Variants in STAC observed in about 807,000 individuals in gnomAD.
STAC encodes SH3 and cysteine-rich domain-containing protein.
In STAC, 43 loss-of-function variants were observed where a neutral mutation model predicts 48.8. The ratio of observed to expected loss-of-function variants is 0.88; its 90% confidence interval spans 0.69 to 1.14. The LOEUF is 1.14. Ranked by LOEUF, STAC falls within the 50% of genes most tolerant of loss-of-function variation. The pLI is 0.00. For missense variants in STAC, 497 were observed against 504.0 expected (o/e 0.99, Z 0.13); for synonymous variants, 193 against 179.5 (o/e 1.07, Z -0.60).
At chr3:36,422,242 T>A (rs1700467207) in intron 1 of STAC, among the ~76,000 whole-genome samples, 1 of 152,162 alleles carries the variant, frequency 6.6e-6, no homozygotes, top group South Asian at 2.1e-4. Context: ...TTATTCTTGA[T>A]CTTACTTTCC....
intron 1 of STAC, among the ~76,000 whole-genome samples, chr3:36,404,562 A>G (rs1293672343): frequency 6.6e-6 from 1 of 152,184 alleles, no homozygotes; most frequent in Non-Finnish European, 1.5e-5. Context: ...TTATAACAGC[A>G]AAAATTAGTA....
rs1048947611 is a variant in STAC at position 36,443,439 on chromosome 3, C to T, written c.187C>T (p.Arg63Ter). Reference protein sequence around the residue: ...RSKSADNFFQRTNSEDMKLQA... With the variant: ...RSKSADNFFQ ...CAAAAGTGCTGACAACTTCTTCCAG[C>T]GAACCAACAGCGAAGACATGAAACT... The change falls in exon 2 of 11, where the codon CGA (arginine) becomes TGA (stop). Residue 63 changes from arginine to a stop codon, truncating the protein, a stop_gained. Coordinates refer to ENST00000273183, the MANE Select transcript of STAC (RefSeq NM_003149.3). LOFTEE classifies it high-confidence loss of function. The surrounding 1 kb of genome is among the most constrained non-coding windows in gnomAD (Gnocchi z 4.2). 14 of 1,614,218 alleles carry T rather than the reference C, an allele frequency of 8.7e-6. No homozygotes were observed. Among genetic ancestry groups the T allele is most frequent in the South Asian group, 3.3e-5 (3 of 91,086 alleles).
At chr3:36,537,266 C>T (rs1315486791) in intron 10 of STAC, among the ~76,000 whole-genome samples, 1 of 152,060 alleles carries the variant, frequency 6.6e-6, no homozygotes, top group South Asian at 2.1e-4. Context: ...CAGCACTATT[C>T]CCAATAGCAA....
At chr3:36,531,584 T>C (rs9681505) in intron 10 of STAC, among the ~76,000 whole-genome samples, 127,478 of 152,120 alleles carry the variant, frequency 0.84, 53,840 homozygotes, top group African/African-American at 0.94. Context: ...ACCTAAGAGG[T>C]CTCACCACAG....
chr3:36,473,093 T>C (rs1277523224), intron 2 of STAC, among the ~76,000 whole-genome samples: 2 of 152,152 alleles, frequency 1.3e-5, no homozygotes, highest in Non-Finnish European at 2.9e-5. Context: ...AGGCACTTCT[T>C]ACATGGCAGC....
chr3:36,544,738 T>C lies in STAC; in HGVS notation c.1111-1453T>C, dbSNP rs138039412. Among the ~76,000 whole-genome samples the C allele has an allele frequency of 2.7e-3, 417 of 152,244 alleles. 2 individuals are homozygous for C. The highest frequency in any genetic ancestry group is 9.5e-3 in the African/African-American group (396 of 41,552). On this transcript the variant is annotated intron_variant, in intron 10 of 10. Coordinates refer to ENST00000273183, the MANE Select transcript of STAC (RefSeq NM_003149.3). Reference sequence around the variant, plus strand: ...GGTCTCAGCTTTTGAAAATCAAGTATTCCATCCCTTTTGAAGTCATGTCAA... The same window carrying C: ...GGTCTCAGCTTTTGAAAATCAAGTACTCCATCCCTTTTGAAGTCATGTCAA...
intron 2 of STAC, among the ~76,000 whole-genome samples, chr3:36,482,728 G>A (rs1048445026): frequency 2.6e-5 from 4 of 152,222 alleles, no homozygotes; most frequent in Non-Finnish European, 1.5e-5. Flanking sequence ...AGCTTGAATT[G>A]AGAGAACAAA....
chr3:36,496,831 T>C (rs1291031851), intron 6 of STAC, among the ~76,000 whole-genome samples: 1 of 152,204 alleles, frequency 6.6e-6, no homozygotes, highest in Non-Finnish European at 1.5e-5. Flanking sequence ...AATAATAATG[T>C]TATTGGCTGC....
At chr3:36,381,632 G>C (rs537405746) in intron 1 of STAC, among the ~76,000 whole-genome samples, 1 of 152,178 alleles carries the variant, frequency 6.6e-6, no homozygotes, top group Non-Finnish European at 1.5e-5. Flanking sequence ...GTGTATACCA[G>C]CAAAGGAAAG....
intron 2 of STAC, among the ~76,000 whole-genome samples, chr3:36,472,217 T>A (rs1697359140): frequency 6.6e-6 from 1 of 152,232 alleles, no homozygotes. Flanking sequence ...AAGCTCTACA[T>A]TGGCCCCTTT....
chr3:36,534,963 C>A (rs1699164663), intron 10 of STAC, among the ~76,000 whole-genome samples: 1 of 152,114 alleles, frequency 6.6e-6, no homozygotes, highest in African/African-American at 2.4e-5. Flanking sequence ...CTGGCCTCTT[C>A]ATTTTTAAAT....
At position 36,443,415 on chromosome 3, in the gene STAC, A is replaced by G. The variant is rs753186589; in HGVS notation, c.163A>G (p.Lys55Glu). ...LSFKTKSLRS[K>E]SADNFFQRTN... ...TTTCAAGACCAAGAGTTTACGGAGC[A>G]AAAGTGCTGACAACTTCTTCCAGCG... Residue 55 changes from lysine to glutamate, a missense_variant, in exon 2 of 11, where the codon AAA (lysine) becomes GAA (glutamate). Physicochemically the swap from Lys to Glu is moderately conservative, Grantham distance 56 (BLOSUM62 1). Coordinates refer to ENST00000273183, the MANE Select transcript of STAC (RefSeq NM_003149.3). This position sits in a 1 kb window ranked among gnomAD's most constrained non-coding sequence, Gnocchi z 4.2. 1.2e-6 allele frequency: 2 copies of G among 1,614,114 alleles called. No individual in the cohort carries two copies. The highest frequency in any genetic ancestry group is 1.7e-6 in the Non-Finnish European group (2 of 1,180,054).
chr3:36,478,540 G>A (rs928923758), intron 2 of STAC, among the ~76,000 whole-genome samples: 9 of 152,050 alleles, frequency 5.9e-5, no homozygotes, highest in African/African-American at 2.2e-4. Context: ...CGTCACTGAG[G>A]CAGGAGTGCA....
At chr3:36,386,194 A>G (rs1699611791) in intron 1 of STAC, among the ~76,000 whole-genome samples, 1 of 151,976 alleles carries the variant, frequency 6.6e-6, no homozygotes, top group Non-Finnish European at 1.5e-5. Flanking sequence ...TGGTATTGCA[A>G]TGTGGTTTTA....
chr3:36,542,545 G>T (rs548976082), intron 10 of STAC, among the ~76,000 whole-genome samples: 1 of 152,126 alleles, frequency 6.6e-6, no homozygotes, highest in Admixed American at 6.5e-5. Context: ...TCTGATTCTA[G>T]TCTTATTTTC....
intron 10 of STAC, among the ~76,000 whole-genome samples, chr3:36,542,372 G>A (rs1699349549): frequency 6.6e-6 from 1 of 152,152 alleles, no homozygotes. Flanking sequence ...TCAGCCAAAG[G>A]TCTTAGCAGA....
intron 6 of STAC, among the ~76,000 whole-genome samples, chr3:36,497,836 T>C (rs903312030): frequency 3.3e-5 from 5 of 152,178 alleles, no homozygotes; most frequent in Admixed American, 3.3e-4. Context: ...TCATACTACC[T>C]GTATGGGCAA....
intron 2 of STAC, among the ~76,000 whole-genome samples, chr3:36,472,388 G>C (rs1407749273): frequency 6.6e-6 from 1 of 152,234 alleles, no homozygotes; most frequent in Non-Finnish European, 1.5e-5. Context: ...TTTTCCCCAT[G>C]GTCTTGGGAA....
At chr3:36,502,063 C>A (rs544887335) in intron 6 of STAC, among the ~76,000 whole-genome samples, 1 of 152,182 alleles carries the variant, frequency 6.6e-6, no homozygotes, top group African/African-American at 2.4e-5. Flanking sequence ...AATAATCTAA[C>A]TAAAAAACAC....
Sources: gnomAD v4.1 joint callset for allele counts (sites outside exome capture counted in the v4.1 genomes callset) on GRCh38, gnomAD v4.1.1 for gene constraint, Gnocchi (gnomAD v3.1) non-coding constraint, MANE v1.5 for transcripts, NCBI Gene and HGNC (gene_info 2026-07-23, HGNC 2026-07-21) for gene names.